The following LRRC7 variants were observed in gnomAD, a reference collection of about 807,000 sequenced individuals.
LRRC7 encodes the protein leucine rich repeat containing 7, also known as leucine-rich repeat-containing protein 7.
A neutral mutation model predicts 175.7 loss-of-function variants in LRRC7; 23 were observed. The ratio of observed to expected loss-of-function variants is 0.13; its 90% CI spans 0.09 to 0.19. The LOEUF (loss-of-function observed/expected upper bound fraction) is 0.19. Among genes scored for constraint, LRRC7 ranks in the 10% least tolerant of loss-of-function variants. LRRC7 has a pLI of 1.00. For missense variants in LRRC7, 1,354 were observed against 1,904.7 expected (o/e 0.71, Z 5.38); for synonymous variants, 685 against 680.9 (o/e 1.01, Z -0.09).
intron 24 of LRRC7, among the ~76,000 whole-genome samples, chr1:70,076,781 A>G (rs1249070896): frequency 6.6e-6 from 1 of 152,214 alleles, no homozygotes; most frequent in Non-Finnish European, 1.5e-5. Flanking sequence ...GAAGATAATT[A>G]TAAAGAACAG....
chr1:69,568,667 G>A (rs759354261), intron 1 of LRRC7, 26 bp downstream of exon 1: 3 of 1,317,668 alleles, frequency 2.3e-6, no homozygotes, highest in African/African-American at 3.5e-5. Context: ...TCGCTCCGTG[G>A]CGGAGGGTGC....
intron 1 of LRRC7, among the ~76,000 whole-genome samples, chr1:69,646,198 T>C (rs1654987359): frequency 2.6e-5 from 4 of 152,058 alleles, no homozygotes; most frequent in South Asian, 4.1e-4. Context: ...TAACTTAAAA[T>C]TGCTATTAAA....
intron 3 of LRRC7, among the ~76,000 whole-genome samples, chr1:69,770,909 A>G (rs1311358210): frequency 6.6e-6 from 1 of 152,194 alleles, no homozygotes; most frequent in African/African-American, 2.4e-5. Flanking sequence ...CCTCCAGTAG[A>G]AAACTTAGAT....
At chr1:70,014,080 C>A (rs760321388) in intron 13 of LRRC7, 8 of 151,994 alleles carry the variant, frequency 5.3e-5, no homozygotes, top group Non-Finnish European at 1.0e-4. Context: ...AGCACCAAAG[C>A]TTTATGCATC....
At chr1:69,653,980 G>A (rs1004170010) in intron 1 of LRRC7, among the ~76,000 whole-genome samples, 2 of 151,944 alleles carry the variant, frequency 1.3e-5, no homozygotes, top group Non-Finnish European at 2.9e-5. Context: ...GGGAATTGCT[G>A]TTCAATAACT....
chr1:69,704,843 C>T (rs1364840388), intron 2 of LRRC7, among the ~76,000 whole-genome samples: 2 of 152,002 alleles, frequency 1.3e-5, no homozygotes, highest in Non-Finnish European at 2.9e-5. Flanking sequence ...TTCAAATTAT[C>T]TTAAGCATTA....
intron 1 of LRRC7, among the ~76,000 whole-genome samples, chr1:69,676,072 G>C (rs1355328026): frequency 6.6e-6 from 1 of 151,058 alleles, no homozygotes; most frequent in African/African-American, 2.4e-5. Context: ...CATATGAATA[G>C]ACTGATTTCA....
At chr1:69,699,756 C>T (rs1466404660) in intron 2 of LRRC7, among the ~76,000 whole-genome samples, 1 of 152,132 alleles carries the variant, frequency 6.6e-6, no homozygotes, top group Non-Finnish European at 1.5e-5. Context: ...GTGTGGCCTA[C>T]TTCTGATGGA....
chr1:69,795,369 C>T (rs972780541), intron 4 of LRRC7, among the ~76,000 whole-genome samples: 1 of 129,538 alleles, frequency 7.7e-6, no homozygotes, highest in East Asian at 2.4e-4. Flanking sequence ...AGCAAGACAC[C>T]GTCTCGAAAA....
chr1:69,781,719 GAA>G lies in LRRC7; in HGVS notation c.304-10322_304-10321del, dbSNP rs1407879635. Among the ~76,000 whole-genome samples the G allele has an allele frequency of 6.7e-4, 20 of 30,034 alleles. 1 individual carries two copies. Among genetic ancestry groups the G allele is most frequent in the African/African-American group, 2.5e-3 (12 of 4,876 alleles). The allele number at this position is 30,034 out of a possible 152,430, so 19.7% of individuals were successfully genotyped here. A position where few individuals can be genotyped will look rare whatever the true frequency, so the allele number is the denominator to read the frequency against. On this transcript the variant is annotated intron_variant, in intron 3 of 26. Transcript: ENST00000651989. Reference sequence around the variant, plus strand: ...AGAAAGAAAGAAAGAAAGAAAGAAAGAAAGAAAGAAAGAAAGAGAGAGAGAGA... The same window carrying G: ...AGAAAGAAAGAAAGAAAGAAAGAAAGAGAAAGAAAGAAAGAGAGAGAGAGA...
intron 5 of LRRC7, among the ~76,000 whole-genome samples, chr1:69,828,477 T>C (rs1680176239): frequency 2.0e-5 from 3 of 152,154 alleles, no homozygotes; most frequent in African/African-American, 4.8e-5. Context: ...GCCAGTGTAG[T>C]AGAAATGGTA....
At chr1:70,087,204 A>G (rs979473279) in intron 24 of LRRC7, among the ~76,000 whole-genome samples, 3 of 152,202 alleles carry the variant, frequency 2.0e-5, no homozygotes, top group Admixed American at 6.5e-5. Flanking sequence ...TTACAATAAT[A>G]TAAAATAGAT....
rs149091576 is a variant in LRRC7, at chr1:70,132,457, C to CTTTTTTTTTTTTTTTTTTTT, written c.*10577_*10596dup. Among the ~76,000 whole-genome samples the CTTTTTTTTTTTTTTTTTTTT allele has an allele frequency of 6.5e-5, 5 of 76,476 alleles. No homozygotes were observed. The highest frequency in any genetic ancestry group is 2.0e-4 in the Admixed American group (1 of 4,958). The allele number at this position is 76,476 out of a possible 152,430, so 50.2% of individuals were successfully genotyped here. ...TTTCTTTTTTCTTTTCTTTTCTTTT[C>CTTTTTTTTTTTTTTTTTTTT]TTTTTTTTTTTTTTTTTTTTTTTTT... On this transcript the variant is annotated 3_prime_UTR_variant, in exon 27 of 27. Transcript: ENST00000651989.
intron 1 of LRRC7, among the ~76,000 whole-genome samples, chr1:69,660,235 A>G (rs1324654405): frequency 6.6e-6 from 1 of 152,104 alleles, no homozygotes; most frequent in African/African-American, 2.4e-5. Flanking sequence ...AAAAGGTTCA[A>G]TCCATCAGAA....
chr1:69,824,664 G>C (rs1455166672), intron 4 of LRRC7, among the ~76,000 whole-genome samples: 2 of 152,078 alleles, frequency 1.3e-5, no homozygotes, highest in Non-Finnish European at 2.9e-5. Flanking sequence ...AAGTCCTGTG[G>C]ACATGGTATT....
rs1343749 is a variant in LRRC7, at chr1:69,826,918, G to A, written c.500+1092G>A. 7.9e-5 allele frequency among the ~76,000 whole-genome samples: 12 copies of A among 152,200 alleles called. No individual in the cohort carries two copies. In the South Asian group the frequency reaches 2.3e-3, roughly 29 times the overall value. On this transcript the variant is annotated intron_variant, in intron 5 of 26. Transcript: ENST00000651989. ...GAAGAGGCTCTAGACAAGGTGAGGAGTGAAATAGATGTAAAAGAATGAGAT... is the reference window on the plus strand; with the variant it reads ...GAAGAGGCTCTAGACAAGGTGAGGAATGAAATAGATGTAAAAGAATGAGAT...
At chr1:69,973,349 G>A (rs1271421326) in intron 8 of LRRC7, among the ~76,000 whole-genome samples, 1 of 151,870 alleles carries the variant, frequency 6.6e-6, no homozygotes, top group African/African-American at 2.4e-5. Flanking sequence ...TACTGCTTGG[G>A]TGATGGGTGC....
At chr1:69,837,425 A>T (rs1300590931) in intron 6 of LRRC7, among the ~76,000 whole-genome samples, 1 of 151,940 alleles carries the variant, frequency 6.6e-6, no homozygotes. Flanking sequence ...TATAAATCTG[A>T]TACTGCTGTC....
chr1:69,891,122 A>G (rs951270127), intron 7 of LRRC7, among the ~76,000 whole-genome samples: 3 of 152,254 alleles, frequency 2.0e-5, no homozygotes, highest in African/African-American at 2.4e-5. Flanking sequence ...TGTTTGGCAC[A>G]AGAGGTATAG....
Sources: allele counts gnomAD v4.1 joint callset (sites outside exome capture counted in the v4.1 genomes callset), GRCh38; gene constraint gnomAD v4.1.1; transcripts MANE v1.5; gene names NCBI Gene and HGNC (gene_info 2026-07-23, HGNC 2026-07-21).